DST: variants seen among roughly 807,000 people sequenced by gnomAD.
The protein encoded by DST is dystonin.
A neutral mutation model predicts 875.2 loss-of-function variants in DST; 253 were observed. The ratio of observed to expected loss-of-function variants is 0.29; its 90% CI spans 0.26 to 0.32. The LOEUF (loss-of-function observed/expected upper bound fraction) is 0.32. Among genes scored for constraint, DST ranks in the 10% least tolerant of loss-of-function variants. The pLI, the probability that DST is intolerant of heterozygous loss-of-function variation, is 1.00. For missense variants in DST, 8,287 were observed against 9,111.6 expected (o/e 0.91, Z 3.68); for synonymous variants, 3,124 against 3,197.1 (o/e 0.98, Z 0.77).
At chr6:56,814,941 C>T (rs185722758) in intron 4 of DST, among the ~76,000 whole-genome samples, 16 of 152,072 alleles carry the variant, frequency 1.1e-4, no homozygotes, top group African/African-American at 3.1e-4. Flanking sequence ...AGAGGCAGGA[C>T]GGTGGCAGAG....
At chr6:56,781,678 T>C (rs1468483336) in intron 4 of DST, among the ~76,000 whole-genome samples, 1 of 152,186 alleles carries the variant, frequency 6.6e-6, no homozygotes, top group Non-Finnish European at 1.5e-5. Context: ...ACAGGGACAA[T>C]TTGACTTCCT....
Position 56,509,880 on chromosome 6 carries a change from G to T in DST, c.18781-7C>A. On this transcript the variant is annotated splice_polypyrimidine_tract_variant and splice_region_variant and intron_variant, in intron 73 of 103. Transcript: ENST00000680361. ...GATCTATCTTGTCATGGAACTAGGGGCAAAACAAAGAGATCTTTTATGGAA... is the reference window on the plus strand; with the variant it reads ...GATCTATCTTGTCATGGAACTAGGGTCAAAACAAAGAGATCTTTTATGGAA... 6.4e-7 allele frequency: 1 copy of T among 1,556,900 alleles called. No homozygotes were observed. The highest frequency in any genetic ancestry group is 8.7e-7 in the Non-Finnish European group (1 of 1,148,816).
chr6:56,598,523 C>G lies in DST; in HGVS notation c.11881G>C (p.Glu3961Gln), dbSNP rs1352469289. 1 of 1,593,934 alleles carries G rather than the reference C, an allele frequency of 6.3e-7. No homozygotes were observed. Among genetic ancestry groups the G allele is most frequent in the Admixed American group, 1.7e-5 (1 of 58,312 alleles). The change falls in exon 46 of 104, where the codon GAG becomes CAG. Residue 3961 changes from glutamate (E) to glutamine (Q), a missense_variant. Coordinates refer to ENST00000680361, the MANE Select transcript of DST (RefSeq NM_001374736.1). ...LNLKAEQSKK[E>Q]LDKVVTTAIK... ...GCTGTTGTCACAACTTTATCCAGCT[C>G]CTTTTTAGACTGTTCTGCTTTTAAA...
At chr6:56,748,853 A>C (rs1184567382) in intron 4 of DST, among the ~76,000 whole-genome samples, 1 of 152,214 alleles carries the variant, frequency 6.6e-6, no homozygotes, top group Non-Finnish European at 1.5e-5. Context: ...ACAGTCTCCA[A>C]CATCAAGGAA....
chr6:56,730,037 G>C (rs769234196), intron 5 of DST, among the ~76,000 whole-genome samples: 4 of 152,084 alleles, frequency 2.6e-5, no homozygotes, highest in Non-Finnish European at 2.9e-5. Flanking sequence ...ATAAATTAAA[G>C]TTTACAAAAA....
chr6:56,882,494 T>G (rs1003010195), intron 3 of DST, among the ~76,000 whole-genome samples: 7 of 152,254 alleles, frequency 4.6e-5, no homozygotes, highest in African/African-American at 1.7e-4. Flanking sequence ...ACTTTCTTAA[T>G]TAAGCTATGA....
chr6:56,874,576 C>T (rs1486608443), intron 3 of DST, among the ~76,000 whole-genome samples: 1 of 152,136 alleles, frequency 6.6e-6, no homozygotes, highest in African/African-American at 2.4e-5. Context: ...ACGTGCATTG[C>T]TATCATTCTC....
chr6:56,914,422 C>A (rs1799989991), intron 2 of DST, among the ~76,000 whole-genome samples: 1 of 152,192 alleles, frequency 6.6e-6, no homozygotes, highest in Non-Finnish European at 1.5e-5. Context: ...TAAGAGCTAG[C>A]TGTCACATCC....
At chr6:56,536,487 C>A (rs1562629035) in intron 62 of DST, among the ~76,000 whole-genome samples, 1 of 152,150 alleles carries the variant, frequency 6.6e-6, no homozygotes, top group Non-Finnish European at 1.5e-5. Context: ...TGACCTGTAC[C>A]TTTACAGATG....
rs1354630793 is a variant in DST at position 56,600,159 on chromosome 6, G to C, written c.11604C>G (p.Thr3868=). The C allele has an allele frequency of 1.2e-6, 2 of 1,612,696 alleles. No individual in the cohort carries two copies. Among genetic ancestry groups the C allele is most frequent in the Non-Finnish European group, 1.7e-6 (2 of 1,179,104 alleles). The change falls in exon 45 of 104, where the codon ACC becomes ACG. Residue 3868 remains threonine (T), a synonymous_variant. Coordinates refer to ENST00000680361, the MANE Select transcript of DST (RefSeq NM_001374736.1). ...GACCAATTAGGCGGTTTTCAGTTTG[G>C]GTAAGAAGATCACATATCCCTTGGA... ...EKLQGICDLL[T]QTENRLIGHQ... is the part of the protein sequence containing the mutation.
rs1411115827 is a variant in DST, at chr6:56,673,378, AC to A, written c.1048-2572del. On this transcript the variant is annotated intron_variant, in intron 9 of 103. Coordinates refer to ENST00000680361, the MANE Select transcript of DST (RefSeq NM_001374736.1). ...GGGGAACCCTTACAATTCAAGAGCC[AC>A]CTAGATAGTATGTATAATGACAGAT... Among the ~76,000 whole-genome samples the A allele has an allele frequency of 2.0e-5, 3 of 152,338 alleles. No homozygotes were observed. In the East Asian group the frequency reaches 5.8e-4, roughly 29 times the overall value.
intron 2 of DST, among the ~76,000 whole-genome samples, chr6:56,938,082 T>TTCTC (rs144019912): frequency 0.015 from 2,034 of 131,588 alleles, 73 homozygotes; most frequent in African/African-American, 0.062. Context: ...CTCTCTCTCT[T>TTCTC]TCTCTCTCTC....
intron 4 of DST, among the ~76,000 whole-genome samples, chr6:56,836,084 T>A (rs1019964346): frequency 6.6e-6 from 1 of 152,204 alleles, no homozygotes; most frequent in Non-Finnish European, 1.5e-5. Flanking sequence ...CAAAATCTAA[T>A]ATTTGAATAA....
intron 69 of DST, among the ~76,000 whole-genome samples, chr6:56,521,938 C>T (rs917049549): frequency 2.0e-5 from 3 of 152,016 alleles, no homozygotes; most frequent in African/African-American, 7.2e-5. Flanking sequence ...TAAAATTTGA[C>T]TTAACATAAA....
At chr6:56,481,028 C>T (rs577987326) in intron 90 of DST, among the ~76,000 whole-genome samples, 5 of 152,108 alleles carry the variant, frequency 3.3e-5, no homozygotes, top group Non-Finnish European at 5.9e-5. Context: ...CAAATTTAAA[C>T]GGTGTATATA....
intron 91 of DST, among the ~76,000 whole-genome samples, chr6:56,476,881 G>A (rs946545749): frequency 6.6e-6 from 1 of 152,132 alleles, no homozygotes; most frequent in Non-Finnish European, 1.5e-5. Context: ...GAACCTAGGA[G>A]GCAGAGGTTG....
chr6:56,557,556 T>C (rs776313457), intron 58 of DST, 38 bp from the exon 59 acceptor site: 25 of 1,521,928 alleles, frequency 1.6e-5, no homozygotes, highest in Non-Finnish European at 2.2e-5. Context: ...TTGACATTTT[T>C]TGCATTTAAC....
rs764408793 is a variant in DST, at chr6:56,511,279, G to A, written c.18698C>T (p.Ala6233Val). 1 of 1,602,284 alleles carries A rather than the reference G, an allele frequency of 6.2e-7. No individual in the cohort carries two copies. The highest frequency in any genetic ancestry group is 8.5e-7 in the Non-Finnish European group (1 of 1,173,808). Residue 6233 changes from alanine to valine, a missense_variant, in exon 73 of 104, where the codon GCC becomes GTC. Physicochemically the swap from Ala to Val is moderately conservative, Grantham distance 64 (BLOSUM62 0). Coordinates refer to ENST00000680361, the MANE Select transcript of DST (RefSeq NM_001374736.1). Reference sequence around the variant, plus strand: ...TTTAATTTGACTGTAAAGGGTGTCGGCTGCCACATACTTCTCTTGGATAGA... The same window carrying A: ...TTTAATTTGACTGTAAAGGGTGTCGACTGCCACATACTTCTCTTGGATAGA... ...GFSIQEKYVA[A>V]DTLYSQIKED...
At chr6:56,781,146 A>G (rs2152991516) in intron 4 of DST, among the ~76,000 whole-genome samples, 1 of 152,308 alleles carries the variant, frequency 6.6e-6, no homozygotes, top group Admixed American at 6.5e-5. Flanking sequence ...TATTGTTTGA[A>G]GTCAGGTAGC....
Sources: allele counts gnomAD v4.1 joint callset (sites outside exome capture counted in the v4.1 genomes callset), GRCh38; gene constraint gnomAD v4.1.1; transcripts MANE v1.5; gene names NCBI Gene and HGNC (gene_info 2026-07-23, HGNC 2026-07-21).